KCNMA1: variants seen among roughly 807,000 people sequenced by gnomAD.
KCNMA1 encodes Calcium-activated potassium channel subunit alpha-1.
Under a neutral mutation model 140.0 loss-of-function variants are expected in KCNMA1, and 29 were observed. That is an observed-to-expected ratio of 0.21 (90% CI 0.15 to 0.28). The LOEUF (loss-of-function observed/expected upper bound fraction) is 0.28, where lower values mean the gene tolerates loss of function less well. Among genes scored for constraint, KCNMA1 ranks in the 10% least tolerant of loss-of-function variants. KCNMA1 has a pLI of 1.00. For missense variants in KCNMA1, 880 were observed against 1,602.2 expected, an observed-to-expected ratio of 0.55 and a Z score of 7.70; for synonymous variants, 612 against 611.9, an observed-to-expected ratio of 1.00 and a Z score of 0.00.
intron 1 of KCNMA1, among the ~76,000 whole-genome samples, chr10:77,541,819 T>G (rs2060247543): frequency 6.6e-6 from 1 of 152,160 alleles, no homozygotes; most frequent in South Asian, 2.1e-4. Flanking sequence ...TGCCTAGGGG[T>G]GAGGCCCAGG....
chr10:76,987,466 C>A (rs1272316646), intron 19 of KCNMA1, among the ~76,000 whole-genome samples: 2 of 152,156 alleles, frequency 1.3e-5, no homozygotes, highest in African/African-American at 4.8e-5. Flanking sequence ...GCTTTCTGGG[C>A]CATACCCTTT....
chr10:77,069,723 A>C (rs1050020675), intron 14 of KCNMA1, among the ~76,000 whole-genome samples: 1 of 152,318 alleles, frequency 6.6e-6, no homozygotes, highest in Non-Finnish European at 1.5e-5. Flanking sequence ...AGTGGCATTG[A>C]TGGAGAGATA....
chr10:77,360,374 T>A (rs1184880504), intron 2 of KCNMA1, among the ~76,000 whole-genome samples: 1 of 150,434 alleles, frequency 6.6e-6, no homozygotes, highest in Non-Finnish European at 1.5e-5. Flanking sequence ...TTCCAAGAAC[T>A]ATGTCGTCTG....
intron 20 of KCNMA1, among the ~76,000 whole-genome samples, chr10:76,969,262 G>C (rs555555348): frequency 5.3e-4 from 79 of 149,562 alleles, no homozygotes; most frequent in African/African-American, 1.8e-3. Flanking sequence ...GAAGGAGGAA[G>C]GGAGGGAGGG....
At chr10:77,243,490 T>C (rs752498732) in intron 3 of KCNMA1, among the ~76,000 whole-genome samples, 1 of 152,180 alleles carries the variant, frequency 6.6e-6, no homozygotes. Context: ...CCTGAAACAA[T>C]TATTCTTTTA....
downstream of KCNMA1, chr10:76,884,762 A>T: frequency 1.8e-6 from 1 of 548,426 alleles, no homozygotes; most frequent in South Asian, 3.1e-5. Flanking sequence ...AGAAGGAAGG[A>T]AGAGAAGAAG....
At chr10:77,167,568 T>C (rs1179251812) in intron 5 of KCNMA1, among the ~76,000 whole-genome samples, 1 of 152,108 alleles carries the variant, frequency 6.6e-6, no homozygotes, top group Non-Finnish European at 1.5e-5. Flanking sequence ...ATAAAGATGA[T>C]GATAATAATG....
In KCNMA1 at chr10:77,194,009, A is replaced by G. The variant is rs1193000566; in HGVS notation, c.603-9093T>C. Among the ~76,000 whole-genome samples the G allele has an allele frequency of 2.0e-5, 3 of 152,056 alleles. No homozygotes were observed. In the East Asian group the frequency reaches 5.8e-4, roughly 29 times the overall value. On this transcript the variant is annotated intron_variant, in intron 3 of 27. Transcript: ENST00000286628. ...TTGCCACCTATGTGCTAGGAGGCTG[A>G]TAAACAATAATCTATAACCAGGGAT...
chr10:77,252,614 C>A (rs997580939), intron 2 of KCNMA1, among the ~76,000 whole-genome samples: 1 of 147,660 alleles, frequency 6.8e-6, no homozygotes, highest in East Asian at 2.0e-4. Flanking sequence ...TTACACCCAC[C>A]CACACACACA....
chr10:76,896,881 G>A (rs368971164), intron 25 of KCNMA1, among the ~76,000 whole-genome samples: 10 of 151,638 alleles, frequency 6.6e-5, no homozygotes, highest in South Asian at 4.2e-4. Context: ...CCACTGAATC[G>A]TACACTTTAA....
At chr10:77,213,004 A>T (rs1598878401) in intron 3 of KCNMA1, among the ~76,000 whole-genome samples, 1 of 152,014 alleles carries the variant, frequency 6.6e-6, no homozygotes, top group East Asian at 1.9e-4. Flanking sequence ...CGACGTATGC[A>T]TAGTTCTGGA....
chr10:77,453,940 G>A (rs1342231558), intron 1 of KCNMA1, among the ~76,000 whole-genome samples: 1 of 152,176 alleles, frequency 6.6e-6, no homozygotes, highest in Non-Finnish European at 1.5e-5. Context: ...AGAGTACTGA[G>A]AATAGCAGCG....
At chr10:77,253,429 C>A (rs565983060) in intron 2 of KCNMA1, among the ~76,000 whole-genome samples, 2 of 152,220 alleles carry the variant, frequency 1.3e-5, no homozygotes, top group South Asian at 4.1e-4. Flanking sequence ...AAATCTAAGA[C>A]CCCTGCAATG....
At chr10:77,199,928 A>T (rs1272041754) in intron 3 of KCNMA1, among the ~76,000 whole-genome samples, 1 of 152,148 alleles carries the variant, frequency 6.6e-6, no homozygotes, top group Non-Finnish European at 1.5e-5. Context: ...GGGAGCTGAC[A>T]GAAGTTTATT....
chr10:76,938,983 C>G (rs999741070), intron 23 of KCNMA1: 2 of 152,120 alleles, frequency 1.3e-5, no homozygotes, highest in African/African-American at 4.8e-5. Flanking sequence ...AATATGGTAG[C>G]CACTGGCTAT....
At chr10:76,966,546 T>G (rs1055943322) in intron 20 of KCNMA1, among the ~76,000 whole-genome samples, 1 of 152,148 alleles carries the variant, frequency 6.6e-6, no homozygotes, top group South Asian at 2.1e-4. Flanking sequence ...AACTCTTGAC[T>G]TAGCTATTTA....
At chr10:77,211,119 C>CAACAAA (rs1156795098) in intron 3 of KCNMA1, among the ~76,000 whole-genome samples, 1 of 151,874 alleles carries the variant, frequency 6.6e-6, no homozygotes, top group Admixed American at 6.6e-5. Context: ...CAATTCTAAA[C>CAACAAA]AACAAAAACA....
At chr10:77,294,278 T>A (rs1377551578) in intron 2 of KCNMA1, among the ~76,000 whole-genome samples, 1 of 152,210 alleles carries the variant, frequency 6.6e-6, no homozygotes, top group Non-Finnish European at 1.5e-5. Context: ...CTTATCATCC[T>A]TGACTTAACC....
intron 5 of KCNMA1, among the ~76,000 whole-genome samples, chr10:77,169,569 A>T (rs542701070): frequency 4.3e-4 from 65 of 151,982 alleles, no homozygotes; most frequent in African/African-American, 1.4e-3. Context: ...TTTTAAAAAA[A>T]TTTTTGTAGA....
Sources: gnomAD v4.1 joint callset for allele counts (sites outside exome capture counted in the v4.1 genomes callset) on GRCh38, gnomAD v4.1.1 for gene constraint, MANE v1.5 for transcripts, NCBI Gene and HGNC (gene_info 2026-07-23, HGNC 2026-07-21) for gene names.